The following GNAL variants were observed in gnomAD, a reference collection of about 807,000 sequenced individuals.
GNAL encodes guanine nucleotide-binding protein G(olf) subunit alpha.
A neutral mutation model predicts 55.1 loss-of-function variants in GNAL; 18 were observed. The observed-to-expected ratio is 0.33, with a 90% confidence interval of 0.23 to 0.48. GNAL has a LOEUF of 0.48. Among genes scored for constraint, GNAL ranks in the 20% least tolerant of loss-of-function variants. The pLI is 0.99. For missense variants in GNAL, 412 were observed against 614.1 expected, an observed-to-expected ratio of 0.67 and a Z score of 3.48; for synonymous variants, 253 against 237.0, an observed-to-expected ratio of 1.07 and a Z score of -0.62.
intron 4 of GNAL, among the ~76,000 whole-genome samples, chr18:11,766,327 A>G (rs1489990034): frequency 1.3e-5 from 2 of 152,244 alleles, no homozygotes; most frequent in South Asian, 2.1e-4. Context: ...ATGGAATTAA[A>G]TCAACTGTAT....
chr18:11,822,813 T>C (rs1440545415), intron 4 of GNAL, among the ~76,000 whole-genome samples: 2 of 30,736 alleles, frequency 6.5e-5, no homozygotes, highest in Non-Finnish European at 2.1e-4. Context: ...TTTTTCTTTT[T>C]TTTTTTCTTT....
intron 4 of GNAL, among the ~76,000 whole-genome samples, chr18:11,780,736 A>G (rs976567382): frequency 2.6e-5 from 4 of 152,218 alleles, no homozygotes; most frequent in Non-Finnish European, 4.4e-5. Context: ...AATGAATTAG[A>G]TCACAGGCAT....
intron 4 of GNAL, among the ~76,000 whole-genome samples, chr18:11,786,894 A>C (rs2143397905): frequency 6.6e-6 from 1 of 152,268 alleles, no homozygotes; most frequent in East Asian, 1.9e-4. Flanking sequence ...AGCCCTGTCC[A>C]GAGCATGGGT....
intron 1 of GNAL, among the ~76,000 whole-genome samples, chr18:11,697,046 C>T (rs1000456267): frequency 6.6e-6 from 1 of 152,214 alleles, no homozygotes; most frequent in African/African-American, 2.4e-5. Context: ...GGCTTATTGA[C>T]AGGAGTAAAT....
At chr18:11,879,759 G>A (rs987059150) in intron 11 of GNAL, among the ~76,000 whole-genome samples, 6 of 147,676 alleles carry the variant, frequency 4.1e-5, no homozygotes, top group Non-Finnish European at 1.5e-5. Flanking sequence ...CACTGAGGTG[G>A]TCCCCACAAA....
chr18:11,818,587 G>A (rs1172862109), intron 4 of GNAL, among the ~76,000 whole-genome samples: 1 of 152,170 alleles, frequency 6.6e-6, no homozygotes, highest in East Asian at 1.9e-4. Context: ...TACAATACAA[G>A]TTAATAAAGC....
At position 11,867,243 on chromosome 18, in the gene GNAL, C is replaced by T; in HGVS notation, c.910+17C>T. On this transcript the variant is annotated intron_variant, in intron 8 of 11. Transcript: ENST00000334049. ...GCTTTAACGGTGATTTTTTTATGCT[C>T]TCTCAAGAAAATAGGAGTGAATTCT... 2 of 1,537,628 alleles carry T rather than the reference C, an allele frequency of 1.3e-6. No individual in the cohort carries two copies. Among genetic ancestry groups the T allele is most frequent in the Non-Finnish European group, 1.8e-6 (2 of 1,110,552 alleles).
chr18:11,710,703 C>T (rs1227137775), intron 1 of GNAL, among the ~76,000 whole-genome samples: 2 of 151,600 alleles, frequency 1.3e-5, no homozygotes, highest in African/African-American at 2.4e-5. Context: ...TCTTTTAGAA[C>T]GTTGAATATA....
chr18:11,756,936 C>G (rs2033076455), intron 4 of GNAL, among the ~76,000 whole-genome samples: 1 of 152,042 alleles, frequency 6.6e-6, no homozygotes, highest in Non-Finnish European at 1.5e-5. Flanking sequence ...TGTCATGGTT[C>G]AATTATTTGA....
chr18:11,708,900 T>C (rs2031774539), intron 1 of GNAL, among the ~76,000 whole-genome samples: 1 of 152,246 alleles, frequency 6.6e-6, no homozygotes, highest in South Asian at 2.1e-4. Flanking sequence ...AGGAAACTTT[T>C]TTCCTATATT....
Position 11,876,274 on chromosome 18 carries a change from C to G in GNAL, c.1163-347C>G, listed in dbSNP as rs558522228. Among the ~76,000 whole-genome samples the G allele has an allele frequency of 7.2e-4, 110 of 152,276 alleles. 1 individual carries two copies. Among genetic ancestry groups the G allele is most frequent in the African/African-American group, 2.5e-3 (104 of 41,552 alleles). On this transcript the variant is annotated intron_variant, in intron 10 of 11. Transcript: ENST00000334049. ...TGGCCCTGAAGTCAGGAGTCTGAGA[C>G]CAGACTGGCCAACATGGTGAAACCC... is the stretch of plus-strand genomic sequence containing the variant.
At chr18:11,860,660 C>T (rs117369127) in intron 5 of GNAL, among the ~76,000 whole-genome samples, 1 of 152,240 alleles carries the variant, frequency 6.6e-6, no homozygotes, top group East Asian at 1.9e-4. Flanking sequence ...GGAGAAGTGA[C>T]ACAGGAGAAA....
rs900925797 is a variant in GNAL at position 11,828,051 on chromosome 18, A to G, written c.722+3036A>G. ...TGCCCTTGAGTTTACATTTGTGAAT[A>G]CAGTTCTGTGGTTGCTCTCATGTTA... On this transcript the variant is annotated intron_variant, in intron 5 of 11. Coordinates refer to ENST00000334049, the MANE Select transcript of GNAL (RefSeq NM_182978.4). Among the ~76,000 whole-genome samples the G allele has an allele frequency of 2.0e-5, 3 of 151,996 alleles. No individual in the cohort carries two copies. In the South Asian group the frequency reaches 6.2e-4, roughly 31 times the overall value.
In GNAL at chr18:11,885,110, C is replaced by T. The variant is rs1323650145; in HGVS notation, c.*3975C>T. 8.7e-7 allele frequency: 1 copy of T among 1,152,098 alleles called. No homozygotes were observed. Among genetic ancestry groups the T allele is most frequent in the East Asian group, 6.3e-5 (1 of 15,970 alleles). 71.4% of individuals were successfully genotyped at this position (1,152,098 alleles called of 1,614,324 possible). On this transcript the variant is annotated 3_prime_UTR_variant, in exon 12 of 12. Coordinates refer to ENST00000334049, the MANE Select transcript of GNAL (RefSeq NM_182978.4). ...TTGCAGATACTTTTATGTGGAACAA[C>T]AGTGGCAAATGTTTTCATTTACTTT...
intron 1 of GNAL, among the ~76,000 whole-genome samples, chr18:11,704,753 A>G (rs2031663422): frequency 6.6e-6 from 1 of 150,778 alleles, no homozygotes; most frequent in South Asian, 2.1e-4. Flanking sequence ...GAAATTATTA[A>G]TGGAGGTGAA....
intron 5 of GNAL, chr18:11,857,914 A>C: frequency 1.6e-5 from 3 of 187,976 alleles, no homozygotes; most frequent in Non-Finnish European, 3.0e-5. Context: ...GTCAAATTTC[A>C]TTAACATTGG....
chr18:11,838,174 G>A (rs72868658), intron 5 of GNAL, among the ~76,000 whole-genome samples: 19,522 of 152,066 alleles, frequency 0.13, 1,650 homozygotes, highest in East Asian at 0.38. Flanking sequence ...GCCGATGAGT[G>A]GATAAACAAA....
At chr18:11,719,940 C>T (rs1024069942) in intron 1 of GNAL, among the ~76,000 whole-genome samples, 1 of 152,248 alleles carries the variant, frequency 6.6e-6, no homozygotes, top group African/African-American at 2.4e-5. Context: ...GGTTGGTGGA[C>T]CACACAGCAT....
In GNAL at chr18:11,739,363, C is replaced by A. The variant is rs9962672; in HGVS notation, c.377-13490C>A. Among the ~76,000 whole-genome samples, 220 of 152,272 alleles carry A rather than the reference C, an allele frequency of 1.4e-3. 1 individual carries two copies. The highest frequency in any genetic ancestry group is 5.2e-3 in the African/African-American group (215 of 41,544). ...TGAATCTTTCTCCATCTTCTGAGAG[C>A]TTGCTGTGGCCATCATGGCCGTTGA... On this transcript the variant is annotated intron_variant, in intron 1 of 11. Coordinates refer to ENST00000334049, the MANE Select transcript of GNAL (RefSeq NM_182978.4).
Sources: allele counts gnomAD v4.1 joint callset (sites outside exome capture counted in the v4.1 genomes callset), GRCh38; gene constraint gnomAD v4.1.1; transcripts MANE v1.5; gene names NCBI Gene and HGNC (gene_info 2026-07-23, HGNC 2026-07-21).